The following MGAT4D variants were observed in gnomAD, a reference collection of about 807,000 sequenced individuals.
MGAT4D encodes alpha-1,3-mannosyl-glycoprotein 4-beta-N-acetylglucosaminyltransferase-like protein MGAT4D.
Under a neutral mutation model 15.9 loss-of-function variants are expected in MGAT4D, and 34 were observed. The observed-to-expected ratio is 2.14, with a 90% confidence interval of 1.62 to 2.84. MGAT4D has a LOEUF of 2.84. Among genes scored for constraint, MGAT4D ranks in the 30% most tolerant of loss-of-function variants. The pLI is 0.00. For synonymous variants in MGAT4D, 112 were observed against 48.2 expected (o/e 2.33, Z -5.49); for missense variants, 327 against 140.2 (o/e 2.33, Z -6.73).
intron 1 of MGAT4D, 94 bp downstream of exon 1, chr4:140,498,035 G>A: frequency 1.8e-6 from 1 of 569,602 alleles, no homozygotes; most frequent in Non-Finnish European, 3.1e-6. Flanking sequence ...TTCCCGCATC[G>A]CCTCCGCACC....
At chr4:140,490,423 AC>A (rs1330005965) in intron 1 of MGAT4D, among the ~76,000 whole-genome samples, 5 of 152,172 alleles carry the variant, frequency 3.3e-5, no homozygotes, top group Non-Finnish European at 4.4e-5. Flanking sequence ...CAGAACCTGA[AC>A]GCTGGAACTC....
intron 4 of MGAT4D, among the ~76,000 whole-genome samples, chr4:140,472,541 T>A (rs1732036529): frequency 6.6e-6 from 1 of 152,226 alleles, no homozygotes; most frequent in African/African-American, 2.4e-5. Flanking sequence ...ATGTATGTAC[T>A]CAGGTTTCTT....
chr4:140,485,199 C>T (rs554495678), intron 1 of MGAT4D, among the ~76,000 whole-genome samples: 2 of 152,300 alleles, frequency 1.3e-5, no homozygotes, highest in East Asian at 1.9e-4. Flanking sequence ...GGCACATATA[C>T]ACCATGGAAT....
intron 10 of MGAT4D, among the ~76,000 whole-genome samples, chr4:140,446,820 A>C (rs200582344): frequency 1.1e-5 from 1 of 88,012 alleles, no homozygotes; most frequent in East Asian, 3.6e-4. Flanking sequence ...AGATCTTTCT[A>C]GCTTTTCGAT....
chr4:140,459,446 G>A lies in MGAT4D; in HGVS notation c.877+66C>T, dbSNP rs1354515632. 1.6e-5 allele frequency: 6 copies of A among 380,284 alleles called. No individual in the cohort carries two copies. The East Asian group carries it at 1.9e-4, about 12-fold the overall frequency. 23.6% of individuals were successfully genotyped at this position (380,284 alleles called of 1,614,324 possible). On this transcript the variant is annotated intron_variant, in intron 8 of 10. Coordinates refer to ENST00000511113, the MANE Select transcript of MGAT4D (RefSeq NM_001277353.2). ...TTAGTAATAAACAAACTGATAAACT[G>A]TTTAAAATGTTTTAAATTATTGTGT...
At position 140,442,656 on chromosome 4, in the gene MGAT4D, T is replaced by C. The variant is rs1163104697; in HGVS notation, c.*780A>G. 1 of 152,076 alleles carries C rather than the reference T, an allele frequency of 6.6e-6. No homozygotes were observed. Among genetic ancestry groups the C allele is most frequent in the East Asian group, 1.9e-4 (1 of 5,200 alleles). The allele number at this position is 152,076 out of a possible 1,614,324, so 9.4% of individuals were successfully genotyped here. A position where few individuals can be genotyped will look rare whatever the true frequency, so the allele number is the denominator to read the frequency against. On this transcript the variant is annotated 3_prime_UTR_variant, in exon 11 of 11. Transcript: ENST00000511113. ...TAAAAACAAATGAATATAACATATTTAAAAGGGAGTATACAGAAACTATAC... is the reference window on the plus strand; with the variant it reads ...TAAAAACAAATGAATATAACATATTCAAAAGGGAGTATACAGAAACTATAC...
intron 3 of MGAT4D, 35 bp downstream of exon 3, chr4:140,479,455 C>G: frequency 2.3e-6 from 1 of 439,794 alleles, no homozygotes; most frequent in Non-Finnish European, 4.0e-6. Context: ...GATCAAAATA[C>G]CTTTATTTAA....
intron 3 of MGAT4D, among the ~76,000 whole-genome samples, chr4:140,477,344 C>T (rs949606215): frequency 6.6e-6 from 1 of 152,162 alleles, no homozygotes; most frequent in African/African-American, 2.4e-5. Context: ...TATCATTTGT[C>T]TCTATGAAGG....
chr4:140,467,390 A>T (rs1172851061), intron 5 of MGAT4D, among the ~76,000 whole-genome samples: 1 of 152,178 alleles, frequency 6.6e-6, no homozygotes, highest in Non-Finnish European at 1.5e-5. Flanking sequence ...GGGAAATAAC[A>T]TCAAGTTGCA....
At chr4:140,444,583 G>A (rs1440811860) in intron 10 of MGAT4D, among the ~76,000 whole-genome samples, 2 of 152,096 alleles carry the variant, frequency 1.3e-5, no homozygotes, top group African/African-American at 2.4e-5. Context: ...AGTATTCCAT[G>A]GTGTATGTGT....
At chr4:140,494,353 T>A (rs959052984) in intron 1 of MGAT4D, among the ~76,000 whole-genome samples, 2 of 152,234 alleles carry the variant, frequency 1.3e-5, no homozygotes, top group Non-Finnish European at 2.9e-5. Context: ...GCAGCATTAT[T>A]TGACACTATT....
chr4:140,471,850 A>C, intron 4 of MGAT4D, 29 bp from the exon 5 acceptor site: 1 of 441,514 alleles, frequency 2.3e-6, no homozygotes, highest in East Asian at 3.7e-5. Flanking sequence ...TTTTACTGAA[A>C]CTAAGCATGT....
chr4:140,456,424 C>G (rs1730803408), intron 9 of MGAT4D, among the ~76,000 whole-genome samples, 165 bp downstream of exon 9: 1 of 151,624 alleles, frequency 6.6e-6, no homozygotes, highest in Non-Finnish European at 1.5e-5. Flanking sequence ...TTAGGGGTCT[C>G]TCATTACTTC....
intron 6 of MGAT4D, among the ~76,000 whole-genome samples, chr4:140,463,887 T>A (rs1731357368): frequency 6.6e-6 from 1 of 152,150 alleles, no homozygotes; most frequent in Non-Finnish European, 1.5e-5. Flanking sequence ...TTCTTCTGGG[T>A]ACAGCATGAA....
chr4:140,485,856 T>C (rs1377888739), intron 1 of MGAT4D, among the ~76,000 whole-genome samples: 3 of 73,564 alleles, frequency 4.1e-5, no homozygotes, highest in Non-Finnish European at 6.6e-5. Flanking sequence ...AAAGCAATGA[T>C]GATACATTTG....
chr4:140,477,543 T>C (rs1209716754), intron 3 of MGAT4D, among the ~76,000 whole-genome samples: 1 of 152,248 alleles, frequency 6.6e-6, no homozygotes, highest in Non-Finnish European at 1.5e-5. Flanking sequence ...ATGTTCATTA[T>C]AGGCAGTGGT....
chr4:140,465,754 T>G (rs1012000621), intron 5 of MGAT4D, among the ~76,000 whole-genome samples: 2 of 152,214 alleles, frequency 1.3e-5, no homozygotes, highest in Non-Finnish European at 2.9e-5. Context: ...ATTTAAAAGC[T>G]TACAGTTTTA....
At chr4:140,445,116 C>T (rs907835728) in intron 10 of MGAT4D, among the ~76,000 whole-genome samples, 2 of 152,054 alleles carry the variant, frequency 1.3e-5, no homozygotes, top group South Asian at 2.1e-4. Flanking sequence ...AACTCCTGAC[C>T]TCAGGTGATC....
intron 1 of MGAT4D, among the ~76,000 whole-genome samples, chr4:140,493,480 A>C (rs999087396): frequency 6.6e-6 from 1 of 151,672 alleles, no homozygotes; most frequent in Non-Finnish European, 1.5e-5. Flanking sequence ...TATTTTTAGT[A>C]GAGATGGGGT....
Sources: gnomAD v4.1 joint callset for allele counts (sites outside exome capture counted in the v4.1 genomes callset) on GRCh38, gnomAD v4.1.1 for gene constraint, MANE v1.5 for transcripts, NCBI Gene and HGNC (gene_info 2026-07-23, HGNC 2026-07-21) for gene names.